Variants in SASH1 observed in about 807,000 individuals in gnomAD.
SASH1 encodes SAM and SH3 domain-containing protein 1.
Under a neutral mutation model 125.2 loss-of-function variants are expected in SASH1, and 44 were observed. The observed-to-expected ratio is 0.35, with a 90% CI of 0.28 to 0.45. SASH1 has a LOEUF of 0.45. SASH1 is among the 20% of genes least tolerant of loss of function. SASH1 has a pLI of 1.00. For synonymous variants in SASH1, 639 were observed against 649.1 expected, an observed-to-expected ratio of 0.98 and a Z score of 0.24; for missense variants, 1,426 against 1,614.5, an observed-to-expected ratio of 0.88 and a Z score of 2.00.
At position 148,402,815 on chromosome 6, in the gene SASH1, T is replaced by C. The variant is rs542112007; in HGVS notation, c.285+12553T>C. Among the ~76,000 whole-genome samples the C allele has an allele frequency of 3.3e-5, 5 of 149,798 alleles. No homozygotes were observed. The South Asian group carries it at 1.1e-3, about 32-fold the overall frequency. On this transcript the variant is annotated intron_variant, in intron 2 of 19. Transcript: ENST00000367467. Reference sequence around the variant, plus strand: ...TAGTAGAGACAGGGTTTCACCATGTTAGCCAGGATGGTCTAGATCTCCTGA... The same window carrying C: ...TAGTAGAGACAGGGTTTCACCATGTCAGCCAGGATGGTCTAGATCTCCTGA...
At chr6:148,504,659 G>A (rs1177776737) in intron 8 of SASH1, among the ~76,000 whole-genome samples, 3 of 152,084 alleles carry the variant, frequency 2.0e-5, no homozygotes, top group Admixed American at 2.0e-4. Context: ...GAGCCACAGG[G>A]CTGGGGAGTC....
intron 8 of SASH1, chr6:148,513,188 T>TA (rs1199871746): frequency 1.3e-4 from 131 of 985,344 alleles, no homozygotes; most frequent in Non-Finnish European, 1.5e-4. Context: ...GTCTCTACAT[T>TA]AGATTTGTAT....
intron 1 of SASH1, among the ~76,000 whole-genome samples, chr6:148,332,627 C>T (rs1465581624): frequency 6.6e-6 from 1 of 151,822 alleles, no homozygotes; most frequent in East Asian, 1.9e-4. Flanking sequence ...CAAATATCTC[C>T]AAATACCTGA....
chr6:148,548,090 C>T (rs1782665402), intron 19 of SASH1, among the ~76,000 whole-genome samples: 1 of 152,194 alleles, frequency 6.6e-6, no homozygotes, highest in African/African-American at 2.4e-5. Context: ...CTTCGAGAAC[C>T]TTGTGGAACT....
the SASH1 span, among the ~76,000 whole-genome samples, chr6:148,241,272 A>G: frequency 6.6e-6 from 1 of 152,230 alleles, no homozygotes; most frequent in Non-Finnish European, 1.5e-5. Context: ...CATCCAGGCT[A>G]TGTAGTTAAC....
Position 148,514,458 on chromosome 6 carries a change from TAAAAAAAAAA to T in SASH1, c.862+21_862+30del, listed in dbSNP as rs10710533. 1,008 of 572,732 alleles carry T rather than the reference TAAAAAAAAAA, an allele frequency of 1.8e-3. 3 individuals carry two copies. Among genetic ancestry groups the T allele is most frequent in the Middle Eastern group, 5.8e-3 (7 of 1,206 alleles). 35.5% of individuals were successfully genotyped at this position (572,732 alleles called of 1,614,324 possible). A position where few individuals can be genotyped will look rare whatever the true frequency, so the allele number is the denominator to read the frequency against. Reference sequence around the variant, plus strand: ...AAATGAAAAAACCCAGCACTGAAGGTAAAAAAAAAAAAAAAAAAAAAAAAAAAAGGCAGAC... The same window carrying T: ...AAATGAAAAAACCCAGCACTGAAGGTAAAAAAAAAAAAAAAAAAGGCAGAC... On this transcript the variant is annotated splice_donor_5th_base_variant and intron_variant, in intron 9 of 19. Transcript: ENST00000367467.
intron 1 of SASH1, among the ~76,000 whole-genome samples, chr6:148,312,053 C>T (rs1159179249): frequency 3.9e-5 from 6 of 152,162 alleles, no homozygotes; most frequent in Non-Finnish European, 5.9e-5. Context: ...AAGCTGCATA[C>T]TGTATGATTC....
chr6:148,229,003 G>A, the SASH1 span, among the ~76,000 whole-genome samples: 1 of 151,830 alleles, frequency 6.6e-6, no homozygotes, highest in Non-Finnish European at 1.5e-5. Context: ...GCAACATGGT[G>A]CATACCTGTC....
intron 5 of SASH1, chr6:148,468,795 A>G: frequency 8.2e-6 from 4 of 488,898 alleles, no homozygotes; most frequent in Non-Finnish European, 1.4e-5. Flanking sequence ...TATAGTTTTT[A>G]ACTTGAATAT....
At chr6:148,298,017 T>A (rs1206189327) in intron 1 of SASH1, among the ~76,000 whole-genome samples, 2 of 151,480 alleles carry the variant, frequency 1.3e-5, no homozygotes, top group Non-Finnish European at 2.9e-5. Flanking sequence ...TATATATATT[T>A]TTTTTTTGAG....
the SASH1 span, among the ~76,000 whole-genome samples, chr6:148,223,529 T>TTG: frequency 6.6e-6 from 1 of 152,206 alleles, no homozygotes; most frequent in Admixed American, 6.5e-5. Context: ...CATTGACTGT[T>TTG]TGTCTTTAAA....
At chr6:148,498,220 CAAAAACAAACAAACAAA>C (rs1262751700) in intron 8 of SASH1, among the ~76,000 whole-genome samples, 18 of 92,414 alleles carry the variant, frequency 1.9e-4, no homozygotes, top group African/African-American at 7.4e-4. Context: ...CTCATCTCTA[CAAAAACAAACAAACAAA>C]AAAAAAAAAA....
chr6:148,293,798 G>C (rs924564813), intron 1 of SASH1, among the ~76,000 whole-genome samples: 6 of 152,342 alleles, frequency 3.9e-5, no homozygotes, highest in African/African-American at 1.4e-4. Flanking sequence ...CTAGGATGCT[G>C]TTATAGTCCT....
intron 1 of SASH1, among the ~76,000 whole-genome samples, chr6:148,326,146 G>A (rs1189291002): frequency 6.7e-6 from 1 of 148,852 alleles, no homozygotes; most frequent in Non-Finnish European, 1.5e-5. Context: ...TCCTGCCTCA[G>A]CCTCCCAAGT....
At chr6:148,342,833 G>A (rs529579211), upstream of SASH1, 1 of 162,334 alleles carries the variant, frequency 6.2e-6, no homozygotes, top group East Asian at 1.9e-4. Flanking sequence ...TGCGCCGAGC[G>A]GGGTGGGAAA....
chr6:148,349,707 G>A (rs557421220), intron 1 of SASH1, among the ~76,000 whole-genome samples: 40 of 152,254 alleles, frequency 2.6e-4, no homozygotes, highest in African/African-American at 9.4e-4. Flanking sequence ...GGCTGCCTGA[G>A]GCCCAACACT....
chr6:148,457,277 C>G lies in SASH1; in HGVS notation c.387-11268C>G, dbSNP rs1264176385. On this transcript the variant is annotated intron_variant, in intron 4 of 19. Transcript: ENST00000367467. Reference sequence around the variant, plus strand: ...GCCGCAGACTCCAGGGGCAGCATTACAAACTTAAATTGCACTTTCAGTACC... The same window carrying G: ...GCCGCAGACTCCAGGGGCAGCATTAGAAACTTAAATTGCACTTTCAGTACC... 1.0e-4 allele frequency among the ~76,000 whole-genome samples: 15 copies of G among 148,878 alleles called. No individual in the cohort carries two copies. In the Admixed American group the frequency reaches 1.0e-3, roughly 10 times the overall value.
At chr6:148,512,682 C>T (rs1583281168) in intron 8 of SASH1, 1 of 985,028 alleles carries the variant, frequency 1.0e-6, no homozygotes, top group East Asian at 1.1e-4. Flanking sequence ...GTAGCCTGTC[C>T]CCACCGTTAC....
chr6:148,348,347 C>G (rs533358040), intron 1 of SASH1, among the ~76,000 whole-genome samples: 149 of 152,304 alleles, frequency 9.8e-4, no homozygotes, highest in African/African-American at 3.5e-3. Context: ...AAAGGAGACC[C>G]CTTAAGCTTA....
Sources: gnomAD v4.1 joint callset for allele counts (sites outside exome capture counted in the v4.1 genomes callset) on GRCh38, gnomAD v4.1.1 for gene constraint, MANE v1.5 for transcripts, NCBI Gene and HGNC (gene_info 2026-07-23, HGNC 2026-07-21) for gene names.